ESR1: variants seen among roughly 807,000 people sequenced by gnomAD.
ESR1 encodes the protein estrogen receptor 1, also known as estrogen receptor.
ESR1 carries 12 observed loss-of-function variants against 52.7 expected under a neutral mutation model. The observed-to-expected ratio is 0.23, with a 90% confidence interval of 0.15 to 0.37. ESR1 has a LOEUF of 0.37. ESR1 is among the 10% of genes least tolerant of loss of function. The pLI is 1.00. For synonymous variants in ESR1, 305 were observed against 316.8 expected (o/e 0.96, Z 0.39); for missense variants, 584 against 779.7 (o/e 0.75, Z 2.99).
chr6:151,863,782 A>G (rs1789328106), intron 2 of ESR1, among the ~76,000 whole-genome samples: 1 of 152,310 alleles, frequency 6.6e-6, no homozygotes, highest in South Asian at 2.1e-4. Flanking sequence ...CTGATCTTTG[A>G]CAAACGTGAC....
chr6:152,014,913 C>G (rs935547533), intron 5 of ESR1, among the ~76,000 whole-genome samples: 1 of 151,974 alleles, frequency 6.6e-6, no homozygotes, highest in African/African-American at 2.4e-5. Flanking sequence ...ACTAAAAATA[C>G]AAAGTTAGCC....
chr6:152,077,846 A>G (rs1228022195), intron 6 of ESR1, among the ~76,000 whole-genome samples: 2 of 152,210 alleles, frequency 1.3e-5, no homozygotes, highest in African/African-American at 4.8e-5. Context: ...TCTAAGAAGT[A>G]ACTAGCTTGA....
At chr6:151,929,686 G>A (rs1168043311) in intron 3 of ESR1, among the ~76,000 whole-genome samples, 2 of 83,606 alleles carry the variant, frequency 2.4e-5, no homozygotes, top group African/African-American at 7.1e-5. Flanking sequence ...GAGGCAGCCA[G>A]CTACTCAGGG....
downstream of ESR1, among the ~76,000 whole-genome samples, chr6:152,105,986 G>T (rs959287617): frequency 3.3e-5 from 5 of 149,656 alleles, no homozygotes; most frequent in Non-Finnish European, 5.9e-5. Context: ...GTAGAGACGG[G>T]GTTTCACCTT....
At chr6:152,058,217 A>T (rs1416642195) in intron 5 of ESR1, among the ~76,000 whole-genome samples, 1 of 152,196 alleles carries the variant, frequency 6.6e-6, no homozygotes, top group African/African-American at 2.4e-5. Context: ...CTGCTTAAAA[A>T]AAAAATTCAA....
chr6:152,043,202 C>A (rs1425894728), intron 5 of ESR1, among the ~76,000 whole-genome samples: 1 of 152,166 alleles, frequency 6.6e-6, no homozygotes, highest in African/African-American at 2.4e-5. Context: ...ATTTCCAGCT[C>A]ACTCACAGTG....
At chr6:151,779,725 G>A (rs142774304) in intron 2 of ESR1, among the ~76,000 whole-genome samples, 2,505 of 151,826 alleles carry the variant, frequency 0.016, 74 homozygotes, top group African/African-American at 0.058. Context: ...ACATGCACAC[G>A]TATGTTTATT....
intron 6 of ESR1, among the ~76,000 whole-genome samples, chr6:152,114,686 T>A (rs1337562544): frequency 1.3e-5 from 2 of 151,434 alleles, no homozygotes; most frequent in Non-Finnish European, 2.9e-5. Context: ...GGTCAGGAGA[T>A]CGAGACCATC....
intron 4 of ESR1, among the ~76,000 whole-genome samples, chr6:152,000,122 T>C (rs866657439): frequency 6.6e-6 from 1 of 152,088 alleles, no homozygotes; most frequent in Non-Finnish European, 1.5e-5. Flanking sequence ...TGATAGATAC[T>C]TTTTATATAT....
chr6:152,077,386 G>A (rs2048827602), intron 6 of ESR1, among the ~76,000 whole-genome samples: 1 of 152,252 alleles, frequency 6.6e-6, no homozygotes, highest in South Asian at 2.1e-4. Context: ...GGCCCTCATG[G>A]AGGGCCTCTG....
chr6:151,704,116 A>G (rs904865963), intron 2 of ESR1, among the ~76,000 whole-genome samples: 23 of 152,400 alleles, frequency 1.5e-4, no homozygotes, highest in African/African-American at 5.3e-4. Flanking sequence ...GCTAAAAAAT[A>G]AAAGATGTAA....
intron 3 of ESR1, among the ~76,000 whole-genome samples, chr6:151,917,897 C>T (rs76156823): frequency 0.019 from 2,900 of 152,234 alleles, 78 homozygotes; most frequent in African/African-American, 0.062. Flanking sequence ...TGAAGATGCA[C>T]GCTCCCTACG....
intron 2 of ESR1, among the ~76,000 whole-genome samples, chr6:151,752,786 A>T (rs961641498): frequency 9.2e-5 from 14 of 152,220 alleles, no homozygotes; most frequent in African/African-American, 3.4e-4. Context: ...TCTGAGCAGT[A>T]TGATGTTTCT....
At chr6:152,067,872 G>A (rs557151698) in intron 6 of ESR1, among the ~76,000 whole-genome samples, 146 of 152,194 alleles carry the variant, frequency 9.6e-4, no homozygotes, top group South Asian at 2.9e-3. Flanking sequence ...CCTGATTCCC[G>A]CAGTGCTGAC....
intron 1 of ESR1, among the ~76,000 whole-genome samples, chr6:151,682,750 C>G (rs532994374): frequency 6.6e-6 from 1 of 152,290 alleles, no homozygotes; most frequent in Non-Finnish European, 1.5e-5. Flanking sequence ...AGTTTTCAGA[C>G]TCTTCCTTCA....
chr6:152,018,425 TA>T (rs78036702), intron 5 of ESR1, among the ~76,000 whole-genome samples: 3,480 of 126,558 alleles, frequency 0.027, 82 homozygotes, highest in African/African-American at 0.077. Context: ...GGAAGAATGA[TA>T]AAAAAAAAAA....
chr6:151,873,759 C>T (rs997831203), intron 2 of ESR1, among the ~76,000 whole-genome samples: 4 of 152,196 alleles, frequency 2.6e-5, no homozygotes, highest in South Asian at 2.1e-4. Context: ...ATTTAACACT[C>T]TATGAAAACA....
At chr6:151,737,357 C>T (rs1051680458) in intron 2 of ESR1, among the ~76,000 whole-genome samples, 2 of 152,158 alleles carry the variant, frequency 1.3e-5, no homozygotes, top group African/African-American at 4.8e-5. Context: ...CCTCAAGAAA[C>T]ATTGTTTCAA....
chr6:151,879,614 G>A (rs9322338), intron 2 of ESR1, among the ~76,000 whole-genome samples: 26,988 of 152,042 alleles, frequency 0.18, 6,520 homozygotes, highest in African/African-American at 0.55. Context: ...ATAAAATAAC[G>A]GTAACAACAA....
Sources: gnomAD v4.1 joint callset for allele counts (sites outside exome capture counted in the v4.1 genomes callset) on GRCh38, gnomAD v4.1.1 for gene constraint, MANE v1.5 for transcripts, NCBI Gene and HGNC (gene_info 2026-07-23, HGNC 2026-07-21) for gene names.